Variants in TECRL observed in about 807,000 individuals in gnomAD.
TECRL encodes the protein trans-2,3-enoyl-CoA reductase like, also known as trans-2,3-enoyl-CoA reductase-like.
TECRL carries 63 observed loss-of-function variants against 52.8 expected under a neutral mutation model. That is an observed-to-expected ratio of 1.19 (90% confidence interval 0.97 to 1.47). TECRL has a LOEUF of 1.47. TECRL is among the 40% of genes most tolerant of loss of function. The probability of loss-of-function intolerance (pLI) is 0.00; values close to 1 mark genes in which losing one functional copy is unlikely to be tolerated. For missense variants in TECRL, 482 were observed against 429.6 expected (o/e 1.12, Z -1.08); for synonymous variants, 164 against 141.9 (o/e 1.16, Z -1.10).
intron 1 of TECRL, 127 bp from the exon 2 acceptor site, chr4:64,375,350 T>C (rs1722324753): frequency 4.3e-6 from 2 of 462,792 alleles, no homozygotes; most frequent in South Asian, 3.6e-5. Flanking sequence ...TCATTTATCT[T>C]TTTAGTGATT....
At chr4:64,300,092 C>T in intron 7 of TECRL, 75 bp from the exon 8 acceptor site, 1 of 1,145,838 alleles carries the variant, frequency 8.7e-7, no homozygotes, top group Non-Finnish European at 1.2e-6. Flanking sequence ...ATAATTCAGG[C>T]AGTATTTATT....
At chr4:64,349,203 G>T (rs2109564986) in intron 2 of TECRL, among the ~76,000 whole-genome samples, 1 of 111,146 alleles carries the variant, frequency 9.0e-6, no homozygotes, top group Non-Finnish European at 2.0e-5. Context: ...AATGATATCG[G>T]CTCACCACAA....
intron 1 of TECRL, among the ~76,000 whole-genome samples, chr4:64,406,150 G>GCA (rs1333241573): frequency 3.2e-5 from 3 of 92,374 alleles, no homozygotes; most frequent in East Asian, 3.4e-4. Context: ...TTTGTTAGGC[G>GCA]CGCGCGCGCG....
At chr4:64,322,586 A>T in intron 4 of TECRL, 103 bp downstream of exon 4, 1 of 714,936 alleles carries the variant, frequency 1.4e-6, no homozygotes, top group Non-Finnish European at 2.1e-6. Context: ...ACCTTTCACT[A>T]CATTTTGTTT....
rs1024664622 is a variant in TECRL at position 64,302,114 on chromosome 4, C to T, written c.731-2097G>A. On this transcript the variant is annotated intron_variant, in intron 7 of 11. Transcript: ENST00000381210. Reference sequence around the variant, plus strand: ...ATATTAAAATGTTCCTGCCATTGGGCAGTTTTACAATTTTGATAATCTATT... The same window carrying T: ...ATATTAAAATGTTCCTGCCATTGGGTAGTTTTACAATTTTGATAATCTATT... 2.6e-5 allele frequency among the ~76,000 whole-genome samples: 4 copies of T among 151,138 alleles called. No homozygotes were observed. In the South Asian group the frequency reaches 8.3e-4, roughly 31 times the overall value.
chr4:64,320,054 T>G (rs1717791673), intron 4 of TECRL, among the ~76,000 whole-genome samples: 2 of 151,898 alleles, frequency 1.3e-5, no homozygotes, highest in Non-Finnish European at 3.0e-5. Flanking sequence ...AGGGATAAAT[T>G]GTATAGAATT....
chr4:64,376,362 T>C, intron 1 of TECRL, among the ~76,000 whole-genome samples: 1 of 151,886 alleles, frequency 6.6e-6, no homozygotes, highest in African/African-American at 2.4e-5. Context: ...AATAGCAAAA[T>C]GATCCTAAAA....
chr4:64,358,480 A>T (rs6846770), intron 2 of TECRL, among the ~76,000 whole-genome samples: 136,234 of 151,660 alleles, frequency 0.9, 61,859 homozygotes, highest in East Asian at 1. Flanking sequence ...TACATATAGA[A>T]ATATTTTGAT....
At chr4:64,331,604 T>C (rs1032726121) in intron 2 of TECRL, among the ~76,000 whole-genome samples, 1 of 152,084 alleles carries the variant, frequency 6.6e-6, no homozygotes, top group South Asian at 2.1e-4. Flanking sequence ...TTAAAGATGA[T>C]TGGAAGATTT....
At chr4:64,358,812 A>G (rs1335024063) in intron 2 of TECRL, among the ~76,000 whole-genome samples, 1 of 151,842 alleles carries the variant, frequency 6.6e-6, no homozygotes, top group Non-Finnish European at 1.5e-5. Flanking sequence ...ACAATATAGC[A>G]CGTCTGAAAT....
Position 64,327,374 on chromosome 4 carries a change from T to C in TECRL, c.331+1138A>G. On this transcript the variant is annotated intron_variant, in intron 3 of 11. Transcript: ENST00000381210. ...CAGAAATTTATCAGTCTCTTAATAG[T>C]GTCCTTCAAATGGAAGTTACATTTG... 1.3e-5 allele frequency among the ~76,000 whole-genome samples: 2 copies of C among 152,126 alleles called. 1 individual carries two copies. Among genetic ancestry groups the C allele is most frequent in the South Asian group, 4.1e-4 (2 of 4,830 alleles).
chr4:64,313,683 G>A (rs1479821066), intron 5 of TECRL, among the ~76,000 whole-genome samples: 23 of 149,490 alleles, frequency 1.5e-4, no homozygotes, highest in South Asian at 1.3e-3. Context: ...GGGTTTCACC[G>A]TGTTAGCCAG....
In TECRL at chr4:64,314,724, G is replaced by A; in HGVS notation, c.475C>T (p.Leu159Phe). 1.2e-6 allele frequency: 2 copies of A among 1,613,206 alleles called. No homozygotes were observed. The highest frequency in any genetic ancestry group is 2.2e-5 in the South Asian group (2 of 91,038). Residue 159 changes from leucine (L) to phenylalanine (F), a missense_variant, in exon 5 of 12, where the codon CTC becomes TTC. Physicochemically the swap from Leu to Phe is conservative, Grantham distance 22. Transcript: ENST00000381210. ...CATGGGATCCTCAAATAAAAGAGGA[G>A]GTATATTAGCAGAGGTCCTGTGTAT... ...AEYTGPLLIYLLFYLRIPCIY... is the reference protein window; with the variant it reads ...AEYTGPLLIYFLFYLRIPCIY...
intron 6 of TECRL, among the ~76,000 whole-genome samples, chr4:64,308,495 C>G (rs1360843641): frequency 6.6e-6 from 1 of 152,204 alleles, no homozygotes; most frequent in Non-Finnish European, 1.5e-5. Context: ...CTACCCCTCC[C>G]CTTAGGGTGT....
At chr4:64,289,297 C>T (rs1424125983) in intron 9 of TECRL, among the ~76,000 whole-genome samples, 1 of 151,924 alleles carries the variant, frequency 6.6e-6, no homozygotes, top group Non-Finnish European at 1.5e-5. Flanking sequence ...GAAAGATTAC[C>T]ATCATTACAA....
chr4:64,309,974 G>T, intron 5 of TECRL, 43 bp from the exon 6 acceptor site: 5 of 1,328,210 alleles, frequency 3.8e-6, no homozygotes, highest in Non-Finnish European at 5.3e-6. Flanking sequence ...TCCTTTTGAA[G>T]TTCTGGCTTG....
intron 2 of TECRL, among the ~76,000 whole-genome samples, chr4:64,341,069 T>C (rs1379315827): frequency 6.6e-6 from 1 of 152,082 alleles, no homozygotes; most frequent in East Asian, 1.9e-4. Context: ...AACCTGCCCA[T>C]GGAGAGGAGC....
intron 1 of TECRL, among the ~76,000 whole-genome samples, chr4:64,384,308 G>A (rs13111046): frequency 0.61 from 93,177 of 151,914 alleles, 31,494 homozygotes; most frequent in Non-Finnish European, 0.75. Flanking sequence ...AGTCCTGTCT[G>A]TGGGCCAACC....
At chr4:64,404,162 T>A (rs201112502) in intron 1 of TECRL, among the ~76,000 whole-genome samples, 4 of 151,498 alleles carry the variant, frequency 2.6e-5, no homozygotes, top group African/African-American at 9.7e-5. Flanking sequence ...AATTAGAGAA[T>A]TATTGAATGC....
Sources: gnomAD v4.1 joint callset for allele counts (sites outside exome capture counted in the v4.1 genomes callset) on GRCh38, gnomAD v4.1.1 for gene constraint, MANE v1.5 for transcripts, NCBI Gene and HGNC (gene_info 2026-07-23, HGNC 2026-07-21) for gene names.